The following AATK variants were observed in gnomAD, a reference collection of about 807,000 sequenced individuals.
AATK encodes serine/threonine-protein kinase LMTK1.
AATK carries 91 observed loss-of-function variants against 114.3 expected under a neutral mutation model. That is an observed-to-expected ratio of 0.80 (90% CI 0.67 to 0.95). The LOEUF is 0.95. Ranked by LOEUF, AATK falls within the 40% of genes least tolerant of loss-of-function variation. The probability of loss-of-function intolerance (pLI) is 0.00; values close to 1 mark genes in which losing one functional copy is unlikely to be tolerated. For synonymous variants in AATK, 1,075 were observed against 916.5 expected (o/e 1.17, Z -3.12); for missense variants, 2,176 against 1,965.2 (o/e 1.11, Z -2.03).
At chr17:81,147,368 A>C (rs1241088303) in intron 1 of AATK, among the ~76,000 whole-genome samples, 1 of 151,798 alleles carries the variant, frequency 6.6e-6, no homozygotes, top group Non-Finnish European at 1.5e-5. Flanking sequence ...CTCAAAAAAA[A>C]AAAAAAAAAG....
At position 81,140,911 on chromosome 17, in the gene AATK, G is replaced by GTGGGACCA. The variant is rs1567819844; in HGVS notation, c.56-6411_56-6410insTGGTCCCA. On this transcript the variant is annotated intron_variant, in intron 1 of 13. Coordinates refer to ENST00000326724, the MANE Select transcript of AATK (RefSeq NM_001080395.3). ...ACCGTGAGCTGTGAGCCGTGGGGCC[G>GTGGGACCA]TGGGGCCGTGGGACCGTGGGACCAT... Among the ~76,000 whole-genome samples, 126 of 109,672 alleles carry GTGGGACCA rather than the reference G, an allele frequency of 1.1e-3. 5 individuals are homozygous for GTGGGACCA. Among genetic ancestry groups the GTGGGACCA allele is most frequent in the South Asian group, 5.8e-3 (17 of 2,942 alleles). 71.9% of individuals were successfully genotyped at this position (109,672 alleles called of 152,430 possible). A position where few individuals can be genotyped will look rare whatever the true frequency, so the allele number is the denominator to read the frequency against.
At chr17:81,132,660 T>C (rs1230791545) in intron 2 of AATK, 2 of 307,722 alleles carry the variant, frequency 6.5e-6, no homozygotes, top group Non-Finnish European at 1.3e-5. Flanking sequence ...CATTACCTGC[T>C]GCCCGGGGGC....
Position 81,121,467 on chromosome 17 carries a change from C to T in AATK, c.2469G>A (p.Leu823=), listed in dbSNP as rs1236401002. 1 of 1,580,690 alleles carries T rather than the reference C, an allele frequency of 6.3e-7. No individual in the cohort carries two copies. The stretch of plus-strand genomic sequence containing the variant: ...CAGTAGCAGGCGTGGGAGAGTCAGG[C>T]AGGGCATCAGGGGCGTCGGGGGCAC... ...EASAPDAPDA[L]PDSPTPATGG... The change falls in exon 11 of 14, where the codon CTG becomes CTA. Residue 823 remains leucine (L), a synonymous_variant. Coordinates refer to ENST00000326724, the MANE Select transcript of AATK (RefSeq NM_001080395.3).
At chr17:81,165,863 GC>G in intron 1 of AATK, 74 bp downstream of exon 1, 1 of 1,535,810 alleles carries the variant, frequency 6.5e-7, no homozygotes, top group Non-Finnish European at 8.8e-7. Flanking sequence ...CAAACCGGGA[GC>G]CGTGGGGCCC....
In AATK at chr17:81,118,512, C is replaced by T. The variant is rs921675261; in HGVS notation, c.4085-70G>A. 3.5e-5 allele frequency: 54 copies of T among 1,529,390 alleles called. No individual in the cohort carries two copies. In the African/African-American group the frequency reaches 6.6e-4, roughly 19 times the overall value. The allele number at this position is 1,529,390 out of a possible 1,614,324, so 94.7% of individuals were successfully genotyped here. A position where few individuals can be genotyped will look rare whatever the true frequency, so the allele number is the denominator to read the frequency against. On this transcript the variant is annotated intron_variant, in intron 13 of 13. Transcript: ENST00000326724. ...AGGGCTGCCTCCCCCGCAACTCCCA[C>T]CTGGCCTCCATCCCTGGCCCACATA...
At chr17:81,156,395 T>G (rs1293431153) in intron 1 of AATK, among the ~76,000 whole-genome samples, 1 of 152,124 alleles carries the variant, frequency 6.6e-6, no homozygotes, top group African/African-American at 2.4e-5. Flanking sequence ...CAAATAAATG[T>G]TTTTTGTTTT....
intron 1 of AATK, among the ~76,000 whole-genome samples, chr17:81,152,183 CAGA>C (rs2061307646): frequency 6.6e-6 from 1 of 152,174 alleles, no homozygotes; most frequent in African/African-American, 2.4e-5. Context: ...GAGACTGAGG[CAGA>C]AGAATCGTTT....
In AATK at chr17:81,123,290, G is replaced by GGAT; in HGVS notation, c.1013_1015dup (p.Tyr338_Pro339insHis). The GGAT allele has an allele frequency of 1.4e-6, 2 of 1,405,006 alleles. No individual in the cohort carries two copies. Among genetic ancestry groups the GGAT allele is most frequent in the Non-Finnish European group, 1.9e-6 (2 of 1,078,790 alleles). The allele number at this position is 1,405,006 out of a possible 1,614,324, so 87.0% of individuals were successfully genotyped here. The stretch of plus-strand genomic sequence containing the variant: ...CAGCACCTGCTGGTCCGAGTGCTGG[G>GGAT]GATAGGGCTGCGTGCCCAGCTCAAA... On this transcript the variant is annotated inframe_insertion, in exon 10 of 14. Coordinates refer to ENST00000326724, the MANE Select transcript of AATK (RefSeq NM_001080395.3).
At chr17:81,124,515 C>T (rs2060766410) in intron 9 of AATK, among the ~76,000 whole-genome samples, 1 of 152,224 alleles carries the variant, frequency 6.6e-6, no homozygotes, top group African/African-American at 2.4e-5. Context: ...TATGCCTTGA[C>T]CCCACCATGG....
intron 1 of AATK, chr17:81,160,173 G>A (rs1287918747): frequency 6.2e-6 from 5 of 811,942 alleles, no homozygotes; most frequent in Non-Finnish European, 6.0e-6. Context: ...TCCTGGCCAC[G>A]GCCCCCACCC....
At chr17:81,127,021 G>T (rs1357075195) in intron 6 of AATK, among the ~76,000 whole-genome samples, 1 of 149,980 alleles carries the variant, frequency 6.7e-6, no homozygotes, top group Non-Finnish European at 1.5e-5. Flanking sequence ...AGACAGCCTC[G>T]GCTCAGTGCA....
intron 1 of AATK, among the ~76,000 whole-genome samples, chr17:81,158,462 C>G (rs1011922241): frequency 6.6e-6 from 1 of 152,222 alleles, no homozygotes; most frequent in Non-Finnish European, 1.5e-5. Context: ...CGCAAGTGCT[C>G]TCACCTCGGC....
intron 1 of AATK, among the ~76,000 whole-genome samples, chr17:81,163,364 C>T (rs969238996): frequency 2.6e-5 from 4 of 152,174 alleles, no homozygotes; most frequent in Non-Finnish European, 4.4e-5. Context: ...AAGGCCATGC[C>T]ACCCCCTTCC....
At chr17:81,136,542 C>T (rs1184633364) in intron 1 of AATK, among the ~76,000 whole-genome samples, 2 of 152,198 alleles carry the variant, frequency 1.3e-5, no homozygotes, top group Admixed American at 6.5e-5. Flanking sequence ...CCCAGCAGGA[C>T]GCCATCCCAT....
intron 1 of AATK, among the ~76,000 whole-genome samples, chr17:81,142,262 T>G (rs184433788): frequency 7.7e-4 from 116 of 149,814 alleles, no homozygotes; most frequent in South Asian, 1.7e-3. Flanking sequence ...CCCGCTCTTT[T>G]TTTTCTTTTT....
chr17:81,120,931 T>C lies in AATK; in HGVS notation c.3005A>G (p.Glu1002Gly). The C allele has an allele frequency of 1.2e-6, 2 of 1,604,118 alleles. No homozygotes were observed. Among genetic ancestry groups the C allele is most frequent in the Non-Finnish European group, 1.7e-6 (2 of 1,176,018 alleles). ...YRDSAYFSDL[E>G]AEAEATSGPE... ...GCCTGAGGTGGCCTCGGCCTCAGCC[T>C]CGAGGTCTGAGAAGTAGGCAGAGTC... is the stretch of plus-strand genomic sequence containing the variant. The change falls in exon 11 of 14, where the codon GAG (glutamate) becomes GGG (glycine). Residue 1002 changes from glutamate to glycine, a missense_variant. Physicochemically the swap from Glu to Gly is moderately conservative, Grantham distance 98. This residue lies in a region of AATK where 1,701 missense variants were observed against 1,394.7 expected (regional missense o/e 1.22). Transcript: ENST00000326724.
intron 2 of AATK, 97 bp from the exon 3 acceptor site, chr17:81,131,302 A>G: frequency 7.0e-7 from 1 of 1,432,852 alleles, no homozygotes. Flanking sequence ...CCGAGCTCCC[A>G]GGGCAGGGCA....
Position 81,131,164 on chromosome 17 carries a change from C to T in AATK, c.231G>A (p.Leu77=). The T allele has an allele frequency of 6.3e-7, 1 of 1,579,736 alleles. No homozygotes were observed. ...CTGCCGTGGCCGGGGAGCCCTGCGC[C>T]AGGTCGGCTGCGTACTCGTCCCCCT... is the stretch of plus-strand genomic sequence containing the variant. ...NAEGDEYAAD[L]AQGSPATAAQ... is the part of the protein sequence containing the mutation. The change falls in exon 3 of 14, where the codon CTG becomes CTA. Residue 77 remains leucine (L), a synonymous_variant. Transcript: ENST00000326724.
chr17:81,163,173 G>A (rs1030859770), intron 1 of AATK, among the ~76,000 whole-genome samples: 1 of 152,154 alleles, frequency 6.6e-6, no homozygotes. Flanking sequence ...AAGCCGGAGC[G>A]AGGCGGTGTC....
Sources: allele counts gnomAD v4.1 joint callset (sites outside exome capture counted in the v4.1 genomes callset), GRCh38; gene constraint gnomAD v4.1.1; regional missense constraint gnomAD v4.1.1; transcripts MANE v1.5; gene names NCBI Gene and HGNC (gene_info 2026-07-23, HGNC 2026-07-21).